IQGAP2: variants seen among roughly 807,000 people sequenced by gnomAD.
IQGAP2 encodes the protein IQ motif containing GTPase activating protein 2, also known as ras GTPase-activating-like protein IQGAP2.
In IQGAP2, 173 loss-of-function variants were observed where a neutral mutation model predicts 201.3. That is an observed-to-expected ratio of 0.86 (90% CI 0.76 to 0.98). The LOEUF is 0.98. Ranked by LOEUF, IQGAP2 falls within the 50% of genes least tolerant of loss-of-function variation. The pLI is 0.00. For synonymous variants in IQGAP2, 675 were observed against 673.9 expected, an observed-to-expected ratio of 1.00 and a Z score of -0.03; for missense variants, 1,687 against 1,864.8, an observed-to-expected ratio of 0.90 and a Z score of 1.76.
chr5:76,496,773 CTT>C (rs369883435), intron 2 of IQGAP2, among the ~76,000 whole-genome samples: 1 of 75,488 alleles, frequency 1.3e-5, no homozygotes, highest in Non-Finnish European at 2.6e-5. Context: ...TTCTTTCTTT[CTT>C]TCTTTCTTTC....
chr5:76,619,770 G>A (rs557284321), intron 13 of IQGAP2, among the ~76,000 whole-genome samples: 8 of 152,036 alleles, frequency 5.3e-5, no homozygotes, highest in Middle Eastern at 3.4e-3. Flanking sequence ...TGCCCGCCTC[G>A]GCCACCCAAA....
Position 76,658,103 on chromosome 5 carries a change from G to A in IQGAP2, c.2321-356G>A, listed in dbSNP as rs79554154. Among the ~76,000 whole-genome samples the A allele has an allele frequency of 8.3e-3, 1,260 of 152,208 alleles. 11 individuals are homozygous for A. The highest frequency in any genetic ancestry group is 0.028 in the African/African-American group (1,164 of 41,518). Reference sequence around the variant, plus strand: ...AGCTCAAGCACAAGGTCTCAGGGTCGAGGTAACTTATGTTAACTTTCTTTC... The same window carrying A: ...AGCTCAAGCACAAGGTCTCAGGGTCAAGGTAACTTATGTTAACTTTCTTTC... On this transcript the variant is annotated intron_variant, in intron 20 of 35. Transcript: ENST00000274364.
intron 13 of IQGAP2, among the ~76,000 whole-genome samples, chr5:76,612,085 C>A (rs1748459948): frequency 6.6e-6 from 1 of 152,232 alleles, no homozygotes; most frequent in South Asian, 2.1e-4. Flanking sequence ...TGTATCATCT[C>A]ATTTAATCAT....
intron 1 of IQGAP2, chr5:76,404,677 C>G (rs1189106811): frequency 1.8e-5 from 3 of 165,666 alleles, no homozygotes; most frequent in South Asian, 2.0e-4. Context: ...CCCTCCTCCC[C>G]GCTGGCGTGT....
Position 76,706,068 on chromosome 5 carries a change from G to A in IQGAP2, c.4615-1132G>A, listed in dbSNP as rs142244289. 5.3e-5 allele frequency among the ~76,000 whole-genome samples: 8 copies of A among 152,194 alleles called. No homozygotes were observed. In the East Asian group the frequency reaches 1.2e-3, roughly 22 times the overall value. On this transcript the variant is annotated intron_variant, in intron 35 of 35. Transcript: ENST00000274364. ...AGAAGTAGCCTAGTTCAAGAAGTGC[G>A]GACCACCGCTTTGTACAATGGTCTC...
intron 32 of IQGAP2, among the ~76,000 whole-genome samples, chr5:76,696,602 A>C (rs1027565088): frequency 1.3e-5 from 2 of 152,098 alleles, no homozygotes; most frequent in Admixed American, 6.5e-5. Flanking sequence ...AAAATTTCTC[A>C]CCTTCTGGAA....
intron 3 of IQGAP2, 68 bp downstream of exon 3, chr5:76,562,620 C>G: frequency 7.4e-7 from 1 of 1,356,490 alleles, no homozygotes; most frequent in Non-Finnish European, 1.0e-6. Flanking sequence ...TATCCTCTCC[C>G]TTCTTTTACT....
rs1446429173 is a variant in IQGAP2 at position 76,575,764 on chromosome 5, A to G, written c.453A>G (p.Ala151=). 4 of 1,564,894 alleles carry G rather than the reference A, an allele frequency of 2.6e-6. No homozygotes were observed. The South Asian group carries it at 3.6e-5, about 14-fold the overall frequency. Residue 151 remains alanine (A), a synonymous_variant, in exon 5 of 36, where the codon GCA becomes GCG. Coordinates refer to ENST00000274364, the MANE Select transcript of IQGAP2 (RefSeq NM_006633.5). The stretch of plus-strand genomic sequence containing the variant: ...CAAGAATGATATATTGCATTCACGC[A>G]CTGAGGTAGGGGGAAAATGCAGCTA... ...NIPRMIYCIH[A]LSLYLFKLGI...
Position 76,664,960 on chromosome 5 carries a change from T to C in IQGAP2, c.2530-66T>C, listed in dbSNP as rs542011751. 16 of 894,326 alleles carry C rather than the reference T, an allele frequency of 1.8e-5. No individual in the cohort carries two copies. The African/African-American group carries it at 2.5e-4, about 14-fold the overall frequency. 55.4% of individuals were successfully genotyped at this position (894,326 alleles called of 1,614,324 possible). ...TCCAATTACGTGTGTTTCAATCCTA[T>C]ATGTGAAGGGAGGAGATAAAGAGTA... On this transcript the variant is annotated intron_variant, in intron 21 of 35. Transcript: ENST00000274364.
chr5:76,611,019 G>A lies in IQGAP2; in HGVS notation c.1358-1G>A, dbSNP rs994491180. On this transcript the variant is annotated splice_acceptor_variant, in intron 12 of 35. Coordinates refer to ENST00000274364, the MANE Select transcript of IQGAP2 (RefSeq NM_006633.5). LOFTEE classifies it high-confidence loss of function. ...AGGAAAACTACTTCTTCATTTTCTA[G>A]GAGTTGTAGCTGTAGGGTACATCAA... 1.9e-6 allele frequency: 3 copies of A among 1,602,258 alleles called. No homozygotes were observed. Among genetic ancestry groups the A allele is most frequent in the Non-Finnish European group, 2.5e-6 (3 of 1,176,478 alleles).
chr5:76,560,194 C>T (rs1342624982), intron 2 of IQGAP2, among the ~76,000 whole-genome samples: 1 of 152,090 alleles, frequency 6.6e-6, no homozygotes, highest in Non-Finnish European at 1.5e-5. Context: ...GCACTGTTGC[C>T]CAGGCTGTAA....
In IQGAP2 at chr5:76,673,590, G is replaced by GT; in HGVS notation, c.3209+2dup. 1 of 1,612,922 alleles carries GT rather than the reference G, an allele frequency of 6.2e-7. No individual in the cohort carries two copies. Among genetic ancestry groups the GT allele is most frequent in the Non-Finnish European group, 8.5e-7 (1 of 1,179,506 alleles). ...TCATTTCTTCCCTTGATCTACTGCC[G>GT]TAAGTTGTACTTGCAGCAAGTTTAA... On this transcript the variant is annotated splice_donor_variant, in intron 25 of 35. Transcript: ENST00000274364. LOFTEE classifies it high-confidence loss of function.
chr5:76,645,136 G>A (rs1384570893), intron 17 of IQGAP2, among the ~76,000 whole-genome samples: 1 of 152,138 alleles, frequency 6.6e-6, no homozygotes, highest in Non-Finnish European at 1.5e-5. Flanking sequence ...TGCTGAGAAT[G>A]ATGGTTTCCA....
intron 12 of IQGAP2, 169 bp downstream of exon 12, chr5:76,606,472 T>C: frequency 2.4e-6 from 1 of 417,172 alleles, no homozygotes; most frequent in Non-Finnish European, 4.2e-6. Flanking sequence ...TATACCACTG[T>C]ACCAATATGT....
chr5:76,536,062 A>ATTT (rs1759603084), intron 2 of IQGAP2, among the ~76,000 whole-genome samples: 1 of 95,166 alleles, frequency 1.1e-5, no homozygotes, highest in African/African-American at 4.2e-5. Flanking sequence ...CCAGGAGCAT[A>ATTT]TTCTTTTTTT....
chr5:76,500,059 G>A (rs1428508183), intron 2 of IQGAP2, among the ~76,000 whole-genome samples: 2 of 152,234 alleles, frequency 1.3e-5, no homozygotes, highest in South Asian at 2.1e-4. Flanking sequence ...AGGGAGCTGT[G>A]ATTACACCAT....
intron 16 of IQGAP2, among the ~76,000 whole-genome samples, chr5:76,637,554 T>C (rs985770229): frequency 1.3e-5 from 2 of 152,250 alleles, no homozygotes; most frequent in Non-Finnish European, 2.9e-5. Context: ...AACTTAACAT[T>C]GTACCTTTCA....
intron 2 of IQGAP2, among the ~76,000 whole-genome samples, chr5:76,497,670 C>G (rs1240740351): frequency 1.3e-5 from 2 of 152,188 alleles, no homozygotes; most frequent in African/African-American, 4.8e-5. Flanking sequence ...AGTCAGCTCT[C>G]CTCTGTATGG....
intron 2 of IQGAP2, among the ~76,000 whole-genome samples, chr5:76,540,626 G>T (rs570443172): frequency 1.1e-4 from 17 of 152,308 alleles, no homozygotes; most frequent in Middle Eastern, 3.4e-3. Flanking sequence ...CAGAAGTAAG[G>T]GAGTTAGAAG....
Sources: allele counts gnomAD v4.1 joint callset (sites outside exome capture counted in the v4.1 genomes callset), GRCh38; gene constraint gnomAD v4.1.1; transcripts MANE v1.5; gene names NCBI Gene and HGNC (gene_info 2026-07-23, HGNC 2026-07-21).